Variants in PKD1L1 observed in about 807,000 individuals in gnomAD.
PKD1L1 encodes polycystin 1 like 1, transient receptor potential channel interacting, also known as polycystin-1-like protein 1.
A neutral mutation model predicts 323.4 loss-of-function variants in PKD1L1; 236 were observed. The ratio of observed to expected loss-of-function variants is 0.73; its 90% CI spans 0.66 to 0.81. PKD1L1 has a LOEUF of 0.81. Among genes scored for constraint, PKD1L1 ranks in the 40% least tolerant of loss-of-function variants. PKD1L1 has a pLI of 0.00. For synonymous variants in PKD1L1, 1,344 were observed against 1,335.0 expected, an observed-to-expected ratio of 1.01 and a Z score of -0.15; for missense variants, 3,320 against 3,508.0, an observed-to-expected ratio of 0.95 and a Z score of 1.35.
At position 47,884,638 on chromosome 7, in the gene PKD1L1, A is replaced by C. The variant is rs1425209659; in HGVS notation, c.3225T>G (p.Ser1075Arg). The C allele has an allele frequency of 6.2e-7, 1 of 1,613,890 alleles. No homozygotes were observed. Among genetic ancestry groups the C allele is most frequent in the South Asian group, 1.1e-5 (1 of 91,078 alleles). ...CCGATGGTATTGCTTCTTGAATGTCACTGTAATAGGCTTCAAAATCTATAA... is the reference window on the plus strand; with the variant it reads ...CCGATGGTATTGCTTCTTGAATGTCCCTGTAATAGGCTTCAAAATCTATAA... ...PHLSDFEAYY[S>R]DIQEAIPSGG... The change falls in exon 19 of 57, where the codon AGT becomes AGG. Residue 1075 changes from serine (S) to arginine (R), a missense_variant. Transcript: ENST00000289672.
At chr7:47,811,719 G>T in intron 50 of PKD1L1, 98 bp downstream of exon 50, 1 of 911,498 alleles carries the variant, frequency 1.1e-6, no homozygotes, top group Non-Finnish European at 1.7e-6. Flanking sequence ...GCAGGTGAAT[G>T]GGTAGGGAAC....
At chr7:47,918,017 G>A (rs558056886) in intron 7 of PKD1L1, among the ~76,000 whole-genome samples, 1 of 152,194 alleles carries the variant, frequency 6.6e-6, no homozygotes, top group South Asian at 2.1e-4. Flanking sequence ...TGACCTAAAT[G>A]CTCCACTTAA....
intron 24 of PKD1L1, among the ~76,000 whole-genome samples, chr7:47,870,105 G>T (rs1786247952): frequency 6.6e-6 from 1 of 151,916 alleles, no homozygotes. Context: ...TGCTTGAAGG[G>T]AATTTAAAGC....
intron 16 of PKD1L1, among the ~76,000 whole-genome samples, chr7:47,889,561 G>A (rs1786763645): frequency 6.6e-6 from 1 of 152,044 alleles, no homozygotes; most frequent in African/African-American, 2.4e-5. Flanking sequence ...TTATTTTCAT[G>A]GCTCTAATCT....
chr7:47,856,432 T>G (rs995386902), intron 28 of PKD1L1, among the ~76,000 whole-genome samples: 1 of 152,272 alleles, frequency 6.6e-6, no homozygotes, highest in African/African-American at 2.4e-5. Context: ...ATCCCTATGC[T>G]GAACATTTAG....
intron 20 of PKD1L1, among the ~76,000 whole-genome samples, chr7:47,881,683 C>T (rs549453984): frequency 1.6e-4 from 25 of 152,294 alleles, no homozygotes; most frequent in Non-Finnish European, 2.4e-4. Flanking sequence ...ACCCCTCTTC[C>T]GCTTTGGTCT....
chr7:47,960,537 A>G, the PKD1L1 span, among the ~76,000 whole-genome samples: 6 of 151,942 alleles, frequency 3.9e-5, no homozygotes, highest in Admixed American at 3.9e-4. Flanking sequence ...GCAAGATTCC[A>G]TAAGCTCAGA....
intron 47 of PKD1L1, 64 bp from the exon 48 acceptor site, chr7:47,814,078 C>A: frequency 2.8e-6 from 4 of 1,425,172 alleles, no homozygotes; most frequent in Non-Finnish European, 3.9e-6. Context: ...CCTCATCAAG[C>A]GTGCTCAAAA....
At chr7:47,949,340 G>C (rs1389768409), upstream of PKD1L1, among the ~76,000 whole-genome samples, 1 of 122,888 alleles carries the variant, frequency 8.1e-6, no homozygotes. Context: ...CCACACTCCA[G>C]CCTGGGCAAC....
chr7:47,907,042 A>T (rs1347126031), intron 9 of PKD1L1, among the ~76,000 whole-genome samples: 1 of 152,240 alleles, frequency 6.6e-6, no homozygotes, highest in Non-Finnish European at 1.5e-5. Context: ...TGCACTGGCT[A>T]GACGTGCTGC....
intron 4 of PKD1L1, 42 bp from the exon 5 acceptor site, chr7:47,932,098 C>T (rs765569642): frequency 6.3e-7 from 1 of 1,577,486 alleles, no homozygotes; most frequent in South Asian, 1.2e-5. Flanking sequence ...GAAACCCGGT[C>T]ATGTTTCAGT....
At chr7:47,786,149 G>A (rs981526530) in intron 56 of PKD1L1, among the ~76,000 whole-genome samples, 1 of 152,158 alleles carries the variant, frequency 6.6e-6, no homozygotes, top group Non-Finnish European at 1.5e-5. Flanking sequence ...AGTCAATGAA[G>A]ATTCAGTAAG....
intron 49 of PKD1L1, 34 bp from the exon 50 acceptor site, chr7:47,812,085 C>G (rs762891803): frequency 4.6e-6 from 7 of 1,530,356 alleles, no homozygotes; most frequent in Non-Finnish European, 6.2e-6. Context: ...TAGGGCAGGG[C>G]AGGGAGAAAG....
Position 47,800,669 on chromosome 7 carries a change from C to T in PKD1L1, c.8173G>A (p.Ala2725Thr), listed in dbSNP as rs145380144. 19 of 1,614,044 alleles carry T rather than the reference C, an allele frequency of 1.2e-5. No individual in the cohort carries two copies. The highest frequency in any genetic ancestry group is 1.5e-5 in the Non-Finnish European group (18 of 1,180,018). Residue 2725 changes from alanine to threonine, a missense_variant, in exon 54 of 57, where the codon GCC (alanine) becomes ACC (threonine). Ala to Thr is a moderately conservative substitution (Grantham distance 58, BLOSUM62 0). Transcript: ENST00000289672. Reference sequence around the variant, plus strand: ...CTTACCATTCCAAAACACAGTGTGGCAGAGACTATTAAAAGGATCCCAAAG... The same window carrying T: ...CTTACCATTCCAAAACACAGTGTGGTAGAGACTATTAAAAGGATCCCAAAG... The part of the protein sequence containing the change: ...CYFGILLIVS[A>T]TLCFGMLRGF...
At chr7:47,955,219 A>G in the PKD1L1 span, among the ~76,000 whole-genome samples, 2 of 152,386 alleles carry the variant, frequency 1.3e-5, 1 homozygote, top group Admixed American at 1.3e-4. Flanking sequence ...AACCTGGCAT[A>G]ACATCAAAAT....
intron 20 of PKD1L1, 45 bp from the exon 21 acceptor site, chr7:47,880,850 C>T (rs1419239200): frequency 1.3e-6 from 2 of 1,523,706 alleles, no homozygotes; most frequent in Non-Finnish European, 1.8e-6. Flanking sequence ...TCAGTGGTCT[C>T]AAGGACAGAG....
intron 15 of PKD1L1, among the ~76,000 whole-genome samples, chr7:47,892,653 A>G (rs1786846680): frequency 6.6e-6 from 1 of 152,216 alleles, no homozygotes; most frequent in South Asian, 2.1e-4. Context: ...CTTTAACACC[A>G]CTAATATATC....
chr7:47,885,928 A>T lies in PKD1L1; in HGVS notation c.2963T>A (p.Phe988Tyr). Residue 988 changes from phenylalanine (F) to tyrosine (Y), a missense_variant, in exon 18 of 57, where the codon TTC (phenylalanine) becomes TAC (tyrosine). Coordinates refer to ENST00000289672, the MANE Select transcript of PKD1L1 (RefSeq NM_138295.5). ...GGTCACGGGTGAAGGTTCCCGTGAG[A>T]ATGGTGTGGTCGTTGCATCAGGATC... The part of the protein sequence containing the change: ...TADPDATTTP[F>Y]SREPSPVTLG... 2 of 1,614,050 alleles carry T rather than the reference A, an allele frequency of 1.2e-6. No homozygotes were observed. Among genetic ancestry groups the T allele is most frequent in the Non-Finnish European group, 1.7e-6 (2 of 1,179,996 alleles).
chr7:47,936,890 A>G lies in PKD1L1; in HGVS notation c.354T>C (p.Asn118=), dbSNP rs577694108. ...VVNEKTQAVV[N]EKTQAPLDCD... ...AATCCAGAGGCGCCTGTGTTTTTTC[A>G]TTAACAACAGCCTGTGTTTTTTCAT... Residue 118 remains asparagine, a synonymous_variant, in exon 4 of 57, where the codon AAT becomes AAC. Transcript: ENST00000289672. The G allele has an allele frequency of 1.1e-5, 18 of 1,613,640 alleles. No individual in the cohort carries two copies. In the South Asian group the frequency reaches 1.7e-4, roughly 15 times the overall value.
Sources: gnomAD v4.1 joint callset for allele counts (sites outside exome capture counted in the v4.1 genomes callset) on GRCh38, gnomAD v4.1.1 for gene constraint, MANE v1.5 for transcripts, NCBI Gene and HGNC (gene_info 2026-07-23, HGNC 2026-07-21) for gene names.